The following KIAA2012 variants were observed in gnomAD, a reference collection of about 807,000 sequenced individuals.
KIAA2012 encodes KIAA2012.
KIAA2012 carries 125 observed loss-of-function variants against 150.6 expected under a neutral mutation model. That is an observed-to-expected ratio of 0.83 (90% CI 0.72 to 0.96). The LOEUF (loss-of-function observed/expected upper bound fraction) is 0.96, where lower values mean the gene tolerates loss of function less well. Among genes scored for constraint, KIAA2012 ranks in the 40% least tolerant of loss-of-function variants. The pLI, the probability that KIAA2012 is intolerant of heterozygous loss-of-function variation, is 0.00. For missense variants in KIAA2012, 1,219 were observed against 1,354.9 expected (o/e 0.90, Z 1.57); for synonymous variants, 462 against 504.7 (o/e 0.92, Z 1.13).
rs149492678 is a variant in KIAA2012 at position 202,117,689 on chromosome 2, G to A, written c.1762+4243G>A. On this transcript the variant is annotated intron_variant, in intron 11 of 23. Transcript: ENST00000498697. ...ATCCAGTCCTCACAGCACATGTCCC[G>A]TCGAACTCCAATTCCTCAGAAGGTT... 3.3e-5 allele frequency among the ~76,000 whole-genome samples: 5 copies of A among 152,262 alleles called. No homozygotes were observed. The East Asian group carries it at 7.7e-4, about 23-fold the overall frequency.
intron 15 of KIAA2012, among the ~76,000 whole-genome samples, chr2:202,170,549 A>G (rs558164268): frequency 6.6e-6 from 1 of 152,338 alleles, no homozygotes; most frequent in African/African-American, 2.4e-5. Context: ...TCATGGTTGG[A>G]TAAAACACAC....
intron 15 of KIAA2012, among the ~76,000 whole-genome samples, chr2:202,171,920 C>T (rs1350347362): frequency 7.1e-6 from 1 of 139,932 alleles, no homozygotes; most frequent in Non-Finnish European, 1.5e-5. Context: ...CGTGATGGCT[C>T]ACTGCAACCT....
Position 202,132,802 on chromosome 2 carries a change from A to ATATATATT in KIAA2012, c.1832-5629_1832-5628insATATATTT, listed in dbSNP as rs1473790947. Reference sequence around the variant, plus strand: ...TATATATATGCGTATATATATATATATTTTTTTTTTCAGGCCAGGCACAGT... The same window carrying ATATATATT: ...TATATATATGCGTATATATATATATATATATATTTTTTTTTTTTCAGGCCAGGCACAGT... On this transcript the variant is annotated intron_variant, in intron 12 of 23. Coordinates refer to ENST00000498697, the MANE Select transcript of KIAA2012 (RefSeq NM_001277372.4). 5.4e-4 allele frequency among the ~76,000 whole-genome samples: 51 copies of ATATATATT among 94,680 alleles called. 1 individual carries two copies. Among genetic ancestry groups the ATATATATT allele is most frequent in the African/African-American group, 1.6e-3 (45 of 27,626 alleles). The allele number at this position is 94,680 out of a possible 152,430, so 62.1% of individuals were successfully genotyped here.
In KIAA2012 at chr2:202,196,343, T is replaced by C. The variant is rs370456099; in HGVS notation, c.3188-457T>C. Among the ~76,000 whole-genome samples the C allele has an allele frequency of 5.4e-3, 821 of 151,768 alleles. 1 individual carries two copies. Among genetic ancestry groups the C allele is most frequent in the African/African-American group, 8.8e-3 (366 of 41,392 alleles). ...CCGAGTAGCTGGGACTACAGGCGCC[T>C]GCCACCACGCCCCGCTAATTTTTTT... On this transcript the variant is annotated intron_variant, in intron 21 of 23. Transcript: ENST00000498697.
intron 7 of KIAA2012, among the ~76,000 whole-genome samples, chr2:202,101,585 T>G (rs1404805756): frequency 6.6e-6 from 1 of 152,226 alleles, no homozygotes; most frequent in Non-Finnish European, 1.5e-5. Context: ...CTGTGTAAGT[T>G]TTTAATTAGG....
intron 10 of KIAA2012, among the ~76,000 whole-genome samples, chr2:202,110,484 A>G (rs1690317808): frequency 6.6e-6 from 1 of 152,160 alleles, no homozygotes; most frequent in Non-Finnish European, 1.5e-5. Context: ...CTGACAGACC[A>G]TTTTCAGGAA....
intron 13 of KIAA2012, among the ~76,000 whole-genome samples, chr2:202,143,075 A>ATTTTTTTTTTTTTTTTTTT (rs59488285): frequency 1.8e-4 from 23 of 124,992 alleles, no homozygotes; most frequent in Non-Finnish European, 2.3e-4. Flanking sequence ...CACTGGTTTA[A>ATTTTTTTTTTTTTTTTTTT]TTTTTTTTTT....
At chr2:202,089,842 G>A (rs1315166315) in intron 2 of KIAA2012, among the ~76,000 whole-genome samples, 3 of 152,196 alleles carry the variant, frequency 2.0e-5, no homozygotes, top group African/African-American at 7.2e-5. Flanking sequence ...GTTTTCTGTG[G>A]TGGTTACAAA....
At chr2:202,106,882 A>G (rs1690209349) in intron 9 of KIAA2012, among the ~76,000 whole-genome samples, 1 of 152,194 alleles carries the variant, frequency 6.6e-6, no homozygotes, top group Admixed American at 6.5e-5. Context: ...CCTCCTTTCC[A>G]AAGGGCACGT....
chr2:202,122,856 G>C (rs1285506878), intron 11 of KIAA2012, among the ~76,000 whole-genome samples: 1 of 152,168 alleles, frequency 6.6e-6, no homozygotes, highest in Admixed American at 6.5e-5. Context: ...GTTTCGGAAA[G>C]GGGGGCATGT....
chr2:202,201,649 C>A, intron 22 of KIAA2012: 2 of 1,610,830 alleles, frequency 1.2e-6, no homozygotes, highest in South Asian at 1.1e-5. Context: ...AAAGACCCAA[C>A]AGCCACAGAC....
At chr2:202,175,244 G>T (rs1691966969) in intron 15 of KIAA2012, among the ~76,000 whole-genome samples, 2 of 152,080 alleles carry the variant, frequency 1.3e-5, no homozygotes, top group South Asian at 4.1e-4. Flanking sequence ...TTAACACTTG[G>T]GTCTAGAAAC....
chr2:202,163,358 T>C (rs946519479), intron 14 of KIAA2012, among the ~76,000 whole-genome samples: 2 of 152,102 alleles, frequency 1.3e-5, no homozygotes, highest in Admixed American at 6.6e-5. Context: ...CACCTCAGCC[T>C]CCCAAAGTGC....
chr2:202,117,207 T>C (rs1690549659), intron 11 of KIAA2012: 1 of 152,232 alleles, frequency 6.6e-6, no homozygotes, highest in Admixed American at 6.5e-5. Flanking sequence ...TTTGCAGTAA[T>C]AGATAACTAG....
chr2:202,145,418 T>C (rs1691274242), intron 13 of KIAA2012, among the ~76,000 whole-genome samples: 1 of 152,218 alleles, frequency 6.6e-6, no homozygotes, highest in South Asian at 2.1e-4. Flanking sequence ...TAAGGCTAAT[T>C]TCCTGAGAGG....
At chr2:202,203,366 C>T (rs1487809989) in intron 23 of KIAA2012, among the ~76,000 whole-genome samples, 4 of 152,116 alleles carry the variant, frequency 2.6e-5, no homozygotes, top group Admixed American at 6.5e-5. Flanking sequence ...GAATCTAAAA[C>T]GTAATGTCTA....
intron 6 of KIAA2012, 132 bp from the exon 7 acceptor site, chr2:202,100,175 A>G: frequency 1.0e-6 from 1 of 954,542 alleles, no homozygotes; most frequent in East Asian, 2.7e-5. Flanking sequence ...CCCCAAAGCT[A>G]GGGCTGTCCC....
At chr2:202,084,754 G>A (rs2105911519) in intron 2 of KIAA2012, among the ~76,000 whole-genome samples, 1 of 152,044 alleles carries the variant, frequency 6.6e-6, no homozygotes, top group South Asian at 2.1e-4. Flanking sequence ...GAAGAGGGTG[G>A]GTGCCAGAAA....
Position 202,202,497 on chromosome 2 carries a change from A to G in KIAA2012, c.3476A>G (p.Gln1159Arg), listed in dbSNP as rs914942685. The G allele has an allele frequency of 5.0e-6, 2 of 399,182 alleles. No individual in the cohort carries two copies. Among genetic ancestry groups the G allele is most frequent in the Non-Finnish European group, 8.8e-6 (2 of 226,258 alleles). 24.7% of individuals were successfully genotyped at this position (399,182 alleles called of 1,614,324 possible). ...QELHKEASGL[Q>R]WTQNISRPWV... is the part of the protein sequence containing the mutation. ...CTCCATAAGGAAGCCAGTGGCCTGC[A>G]GTGGACACAGAACATTTCCAGACCA... Residue 1159 changes from glutamine to arginine, a missense_variant, in exon 23 of 24, where the codon CAG becomes CGG. By Grantham distance (43) the Gln-to-Arg change is conservative. Transcript: ENST00000498697.
Sources: gnomAD v4.1 joint callset for allele counts (sites outside exome capture counted in the v4.1 genomes callset) on GRCh38, gnomAD v4.1.1 for gene constraint, MANE v1.5 for transcripts, NCBI Gene and HGNC (gene_info 2026-07-23, HGNC 2026-07-21) for gene names.